CEP112: variants seen among roughly 807,000 people sequenced by gnomAD.
The protein encoded by CEP112 is centrosomal protein of 112 kDa.
A neutral mutation model predicts 153.0 loss-of-function variants in CEP112; 127 were observed. The observed-to-expected ratio is 0.83, with a 90% CI of 0.72 to 0.96. The LOEUF is 0.96. CEP112 is among the 40% of genes least tolerant of loss of function. CEP112 has a pLI of 0.00. For synonymous variants in CEP112, 358 were observed against 374.4 expected (o/e 0.96, Z 0.51); for missense variants, 1,089 against 1,101.2 (o/e 0.99, Z 0.16).
intron 16 of CEP112, among the ~76,000 whole-genome samples, chr17:66,026,818 T>C (rs1055328752): frequency 1.3e-5 from 2 of 152,198 alleles, no homozygotes; most frequent in Non-Finnish European, 2.9e-5. Flanking sequence ...AACATAGTAC[T>C]TGACACATGG....
chr17:65,660,443 C>G (rs1298736926), intron 24 of CEP112, among the ~76,000 whole-genome samples: 8 of 93,920 alleles, frequency 8.5e-5, no homozygotes, highest in African/African-American at 3.4e-4. Context: ...CTTTCTTTCT[C>G]TCTCTCTCTT....
At chr17:65,971,629 CATATTGCGTT>C (rs2062830483) in intron 17 of CEP112, among the ~76,000 whole-genome samples, 1 of 151,104 alleles carries the variant, frequency 6.6e-6, no homozygotes, top group Non-Finnish European at 1.5e-5. Context: ...ATATCCCATG[CATATTGCGTT>C]ATATTGCATG....
At chr17:65,742,633 C>T (rs1296202504) in intron 23 of CEP112, among the ~76,000 whole-genome samples, 1 of 152,136 alleles carries the variant, frequency 6.6e-6, no homozygotes, top group Non-Finnish European at 1.5e-5. Context: ...GGTTGGCATT[C>T]CAAGCATCGA....
At chr17:65,657,617 G>A (rs1482037254) in intron 24 of CEP112, among the ~76,000 whole-genome samples, 1 of 152,114 alleles carries the variant, frequency 6.6e-6, no homozygotes, top group African/African-American at 2.4e-5. Context: ...TCAGAAAGAG[G>A]GTGACTAGGC....
chr17:65,850,325 C>A (rs929569055), intron 21 of CEP112, among the ~76,000 whole-genome samples: 3 of 151,998 alleles, frequency 2.0e-5, no homozygotes, highest in African/African-American at 7.3e-5. Context: ...TTCTTCCTTT[C>A]GGCAAAGAGG....
chr17:65,868,044 A>G (rs182176690), intron 20 of CEP112, among the ~76,000 whole-genome samples: 2 of 151,746 alleles, frequency 1.3e-5, no homozygotes, highest in Admixed American at 6.6e-5. Flanking sequence ...TGTATTAATA[A>G]ATTTTTTAAA....
At chr17:65,951,749 C>CCCCCCCCCCCG (rs71160510) in intron 18 of CEP112, among the ~76,000 whole-genome samples, 1 of 106,148 alleles carries the variant, frequency 9.4e-6, no homozygotes, top group Non-Finnish European at 2.0e-5. Flanking sequence ...CCCCGCCCCC[C>CCCCCCCCCCCG]CCTTTCTTCC....
intron 1 of CEP112, among the ~76,000 whole-genome samples, chr17:66,184,776 T>C (rs1185874265): frequency 6.6e-6 from 1 of 152,054 alleles, no homozygotes. Flanking sequence ...AAAATCTATA[T>C]ACACAAAAAA....
chr17:65,704,514 C>G (rs1165294217), intron 23 of CEP112, among the ~76,000 whole-genome samples: 1 of 152,070 alleles, frequency 6.6e-6, no homozygotes, highest in Admixed American at 6.5e-5. Context: ...TGAGGGCCAA[C>G]AGTCCAATCA....
chr17:65,660,895 T>A (rs1344269434), intron 24 of CEP112, among the ~76,000 whole-genome samples: 1 of 152,080 alleles, frequency 6.6e-6, no homozygotes, highest in Non-Finnish European at 1.5e-5. Context: ...GCTTCTAGTT[T>A]TTTCCTTCTC....
chr17:65,651,165 A>G (rs990217395), intron 24 of CEP112, among the ~76,000 whole-genome samples: 6 of 152,108 alleles, frequency 3.9e-5, no homozygotes, highest in Non-Finnish European at 7.4e-5. Flanking sequence ...CTTAGCTCCC[A>G]CTTACGAGTG....
intron 21 of CEP112, among the ~76,000 whole-genome samples, chr17:65,791,428 A>T (rs2054586206): frequency 6.6e-6 from 1 of 152,208 alleles, no homozygotes; most frequent in Non-Finnish European, 1.5e-5. Context: ...AATCAGCTTT[A>T]GGTGAAGAAC....
intron 21 of CEP112, among the ~76,000 whole-genome samples, chr17:65,835,033 T>A (rs553069632): frequency 6.6e-6 from 1 of 152,200 alleles, no homozygotes; most frequent in African/African-American, 2.4e-5. Flanking sequence ...TGAGATCATG[T>A]CTTTTATGGG....
intron 11 of CEP112, among the ~76,000 whole-genome samples, chr17:66,062,264 T>TTATAATAAAAATGGACAA (rs762440566): frequency 6.6e-6 from 1 of 152,128 alleles, no homozygotes; most frequent in Non-Finnish European, 1.5e-5. Flanking sequence ...TATGGTTTAT[T>TTATAATAAAAATGGACAA]TATAATAAAA....
intron 16 of CEP112, among the ~76,000 whole-genome samples, chr17:66,015,437 A>G (rs991291917): frequency 2.0e-5 from 3 of 152,190 alleles, no homozygotes; most frequent in Non-Finnish European, 4.4e-5. Flanking sequence ...ATTAAAGTCC[A>G]TCATCCAGTA....
chr17:65,797,404 G>C (rs931723885), intron 21 of CEP112: 1 of 152,214 alleles, frequency 6.6e-6, no homozygotes, highest in Non-Finnish European at 1.5e-5. Flanking sequence ...CTGCCTGTTT[G>C]CTAGCTTATT....
intron 4 of CEP112, among the ~76,000 whole-genome samples, chr17:66,148,005 T>C (rs2146657127): frequency 6.6e-6 from 1 of 152,328 alleles, no homozygotes; most frequent in South Asian, 2.1e-4. Flanking sequence ...TGATTCCATG[T>C]GAACTTCAGG....
rs2065390440 is a variant in CEP112, at chr17:66,029,904, C to T, written c.1338G>A (p.Gln446=). Residue 446 remains glutamine (Q), a synonymous_variant, in exon 13 of 27, where the codon CAG becomes CAA. Coordinates refer to ENST00000535342, the MANE Select transcript of CEP112 (RefSeq NM_001199165.4). ...QEKAELERCY[Q]ITCSELQEVK... Reference sequence around the variant, plus strand: ...CTTCTTGTAATTCACTACACGTTATCTGGTAACATCTTTCAAGTTCTGCTT... The same window carrying T: ...CTTCTTGTAATTCACTACACGTTATTTGGTAACATCTTTCAAGTTCTGCTT... 1 of 1,613,706 alleles carries T rather than the reference C, an allele frequency of 6.2e-7. No individual in the cohort carries two copies. Among genetic ancestry groups the T allele is most frequent in the Admixed American group, 1.7e-5 (1 of 59,968 alleles).
At chr17:66,182,234 A>G (rs1000743719) in intron 2 of CEP112, 2 of 152,184 alleles carry the variant, frequency 1.3e-5, no homozygotes, top group Non-Finnish European at 2.9e-5. Flanking sequence ...TAATTGTTCT[A>G]TTTTATTATT....
Sources: allele counts gnomAD v4.1 joint callset (sites outside exome capture counted in the v4.1 genomes callset), GRCh38; gene constraint gnomAD v4.1.1; transcripts MANE v1.5; gene names NCBI Gene and HGNC (gene_info 2026-07-23, HGNC 2026-07-21).